STPG2: variants seen among roughly 807,000 people sequenced by gnomAD.
STPG2 encodes sperm tail PG-rich repeat containing 2.
STPG2 carries 56 observed loss-of-function variants against 54.2 expected under a neutral mutation model. The ratio of observed to expected loss-of-function variants is 1.03; its 90% CI spans 0.83 to 1.29. The LOEUF is 1.29. STPG2 is among the 50% of genes most tolerant of loss of function. The probability of loss-of-function intolerance (pLI) is 0.00; values close to 1 mark genes in which losing one functional copy is unlikely to be tolerated. For missense variants in STPG2, 596 were observed against 544.9 expected (o/e 1.09, Z -0.93); for synonymous variants, 200 against 181.8 (o/e 1.10, Z -0.81).
chr4:97,793,363 T>TTATA (rs111505004), intron 9 of STPG2, among the ~76,000 whole-genome samples: 2,819 of 138,520 alleles, frequency 0.02, 61 homozygotes, highest in African/African-American at 0.064. Context: ...AATTAGAGTT[T>TTATA]TATATATACA....
chr4:97,714,832 A>C (rs573363437), intron 9 of STPG2, among the ~76,000 whole-genome samples: 23 of 152,266 alleles, frequency 1.5e-4, no homozygotes, highest in Non-Finnish European at 2.8e-4. Flanking sequence ...AAGATATATA[A>C]AGGTTAATGC....
At chr4:98,116,063 A>G (rs1486815687) in intron 3 of STPG2, among the ~76,000 whole-genome samples, 1 of 151,924 alleles carries the variant, frequency 6.6e-6, no homozygotes, top group Non-Finnish European at 1.5e-5. Flanking sequence ...TAGGCCATCA[A>G]ATAAATTAGG....
intron 9 of STPG2, among the ~76,000 whole-genome samples, chr4:97,764,824 C>G (rs1455507738): frequency 6.6e-6 from 1 of 151,984 alleles, no homozygotes; most frequent in African/African-American, 2.4e-5. Flanking sequence ...TCCATGGAGT[C>G]TCAGCCAGCA....
At chr4:97,759,996 C>A (rs1373243846) in intron 9 of STPG2, among the ~76,000 whole-genome samples, 1 of 152,124 alleles carries the variant, frequency 6.6e-6, no homozygotes, top group Non-Finnish European at 1.5e-5. Flanking sequence ...TCTCATGGCA[C>A]ACCAAGATCA....
chr4:97,902,903 A>T (rs1731232710), intron 8 of STPG2, among the ~76,000 whole-genome samples: 1 of 152,310 alleles, frequency 6.6e-6, no homozygotes, highest in South Asian at 2.1e-4. Context: ...ATAAGTGGCC[A>T]CTAATGGATG....
At chr4:97,626,383 A>G (rs2148928783) in intron 10 of STPG2, among the ~76,000 whole-genome samples, 1 of 152,212 alleles carries the variant, frequency 6.6e-6, no homozygotes, top group South Asian at 2.1e-4. Flanking sequence ...TCAAGGCTCA[A>G]ATTATTATCT....
At chr4:97,829,655 A>T (rs1728383366) in intron 9 of STPG2, among the ~76,000 whole-genome samples, 1 of 152,182 alleles carries the variant, frequency 6.6e-6, no homozygotes, top group Admixed American at 6.5e-5. Context: ...GTTAAATAGA[A>T]TAACCAGTTT....
intron 7 of STPG2, among the ~76,000 whole-genome samples, chr4:97,967,023 T>C (rs1254497720): frequency 6.6e-6 from 1 of 152,044 alleles, no homozygotes; most frequent in Non-Finnish European, 1.5e-5. Context: ...TAACCTTAAA[T>C]GTAAATGGGC....
chr4:98,029,775 C>T (rs1388331026), intron 5 of STPG2, among the ~76,000 whole-genome samples: 1 of 152,076 alleles, frequency 6.6e-6, no homozygotes, highest in Non-Finnish European at 1.5e-5. Context: ...ATCATAAGGC[C>T]TGAATGAAAA....
intron 8 of STPG2, among the ~76,000 whole-genome samples, chr4:97,912,480 C>A (rs970558881): frequency 2.6e-5 from 4 of 152,306 alleles, no homozygotes; most frequent in Non-Finnish European, 4.4e-5. Context: ...ACATAACCAA[C>A]CTGATGGAGC....
chr4:97,623,882 T>TG (rs1262968157), intron 10 of STPG2, among the ~76,000 whole-genome samples: 1 of 152,112 alleles, frequency 6.6e-6, no homozygotes, highest in East Asian at 1.9e-4. Context: ...AGTAAGAACT[T>TG]GAAGTGTTTG....
At chr4:97,877,887 C>G (rs536771312) in intron 8 of STPG2, among the ~76,000 whole-genome samples, 2 of 152,272 alleles carry the variant, frequency 1.3e-5, no homozygotes, top group East Asian at 3.9e-4. Flanking sequence ...AAGGCGATCC[C>G]TTCCACCTAC....
intron 4 of STPG2, among the ~76,000 whole-genome samples, chr4:97,442,243 G>T (rs748921178): frequency 2.0e-5 from 3 of 150,188 alleles, no homozygotes; most frequent in Non-Finnish European, 3.0e-5. Context: ...TTTTTATTCA[G>T]ATGGTTACTC....
intron 9 of STPG2, among the ~76,000 whole-genome samples, chr4:97,840,292 T>G (rs1189987918): frequency 6.6e-6 from 1 of 151,548 alleles, no homozygotes; most frequent in Non-Finnish European, 1.5e-5. Context: ...ATGAGTTCTG[T>G]TTTTTTCCCT....
At chr4:97,853,258 G>T (rs1483761422) in intron 8 of STPG2, among the ~76,000 whole-genome samples, 1 of 151,624 alleles carries the variant, frequency 6.6e-6, no homozygotes. Context: ...GAGTCACCGC[G>T]CCCCGCCAAA....
At chr4:98,095,892 CAAG>C (rs1738843629) in intron 5 of STPG2, among the ~76,000 whole-genome samples, 1 of 152,064 alleles carries the variant, frequency 6.6e-6, no homozygotes, top group African/African-American at 2.4e-5. Flanking sequence ...AGATCATTCT[CAAG>C]AATAGACTAT....
chr4:97,548,082 G>A (rs771938669), intron 4 of STPG2, among the ~76,000 whole-genome samples: 16 of 152,234 alleles, frequency 1.1e-4, no homozygotes, highest in African/African-American at 3.4e-4. Context: ...CCCTCGAGGC[G>A]GAGATTGTGG....
At chr4:97,548,041 T>C (rs550045232) in intron 4 of STPG2, among the ~76,000 whole-genome samples, 1 of 152,072 alleles carries the variant, frequency 6.6e-6, no homozygotes, top group African/African-American at 2.4e-5. Context: ...TCCCAGCTAC[T>C]CGGGAGGCTG....
chr4:97,548,532 C>T (rs1247217531), intron 4 of STPG2, among the ~76,000 whole-genome samples: 1 of 152,000 alleles, frequency 6.6e-6, no homozygotes, highest in Non-Finnish European at 1.5e-5. Context: ...TAAGCATTTA[C>T]TTAGTATGAA....
Sources: allele counts gnomAD v4.1 joint callset (sites outside exome capture counted in the v4.1 genomes callset), GRCh38; gene constraint gnomAD v4.1.1; transcripts MANE v1.5; gene names NCBI Gene and HGNC (gene_info 2026-07-23, HGNC 2026-07-21).